PCDHA9: variants seen among roughly 807,000 people sequenced by gnomAD.
PCDHA9 encodes the protein protocadherin alpha 9, also known as protocadherin alpha-9.
A neutral mutation model predicts 62.0 loss-of-function variants in PCDHA9; 62 were observed. The ratio of observed to expected loss-of-function variants is 1.00; its 90% confidence interval spans 0.81 to 1.23. PCDHA9 has a LOEUF of 1.23. PCDHA9 is among the 50% of genes most tolerant of loss of function. The pLI, the probability that PCDHA9 is intolerant of heterozygous loss-of-function variation, is 0.00. For synonymous variants in PCDHA9, 557 were observed against 567.6 expected, an observed-to-expected ratio of 0.98 and a Z score of 0.27; for missense variants, 1,205 against 1,249.8, an observed-to-expected ratio of 0.96 and a Z score of 0.54.
intron 1 of PCDHA9, among the ~76,000 whole-genome samples, chr5:140,941,214 C>CCTTTCTTTCTTCCTTT (rs2092876516): frequency 8.2e-6 from 1 of 122,414 alleles, no homozygotes; most frequent in Non-Finnish European, 1.7e-5. Context: ...TTTCTTTCTT[C>CCTTTCTTTCTTCCTTT]CTTTCTTTCT....
At chr5:140,856,660 T>A in intron 1 of PCDHA9, 1 of 1,597,974 alleles carries the variant, frequency 6.3e-7, no homozygotes, top group South Asian at 1.1e-5. Flanking sequence ...GTGAAGAAAA[T>A]CCTCAGCTAA....
intron 3 of PCDHA9, among the ~76,000 whole-genome samples, chr5:140,987,129 G>A (rs1281954011): frequency 1.3e-5 from 2 of 151,758 alleles, no homozygotes; most frequent in African/African-American, 4.8e-5. Flanking sequence ...CAGGAGAATT[G>A]CTTGAACTCG....
At chr5:140,882,907 A>T (rs11744560) in intron 1 of PCDHA9, 226,049 of 1,614,134 alleles carry the variant, frequency 0.14, 16,618 homozygotes, top group Middle Eastern at 0.18. Context: ...TATTACTGAC[A>T]GCCAGTGATG....
rs2150466906 is a variant in PCDHA9 at position 140,850,096 on chromosome 5, A to C, written c.1601A>C (p.Gln534Pro). 2 of 1,596,118 alleles carry C rather than the reference A, an allele frequency of 1.3e-6. No homozygotes were observed. Among genetic ancestry groups the C allele is most frequent in the African/African-American group, 1.3e-5 (1 of 74,284 alleles). The change falls in exon 1 of 4, where the codon CAG (glutamine) becomes CCG (proline). Residue 534 changes from glutamine to proline, a missense_variant. Physicochemically the swap from Gln to Pro is moderately conservative, Grantham distance 76. Around this residue, in one of 3 missense-constraint regions of PCDHA9, gnomAD observed 887 missense variants for 809.5 expected, o/e 1.10. Coordinates refer to ENST00000532602, the MANE Select transcript of PCDHA9 (RefSeq NM_031857.2). Reference sequence around the variant, plus strand: ...GAGGAGCTGGAGCTGCTACAGTTCCAGGTGAGCGCGCGCGACGCGGGCGTG... The same window carrying C: ...GAGGAGCTGGAGCTGCTACAGTTCCCGGTGAGCGCGCGCGACGCGGGCGTG... ...DHEELELLQF[Q>P]VSARDAGVPP...
At chr5:140,913,243 G>T (rs1386908951) in intron 1 of PCDHA9, among the ~76,000 whole-genome samples, 1 of 152,112 alleles carries the variant, frequency 6.6e-6, no homozygotes, top group Non-Finnish European at 1.5e-5. Flanking sequence ...GAGACTTTTT[G>T]TTACAACTTT....
Position 140,857,729 on chromosome 5 carries a change from G to T in PCDHA9, c.2394+6840G>T, listed in dbSNP as rs782508750. 3 of 1,597,292 alleles carry T rather than the reference G, an allele frequency of 1.9e-6. No homozygotes were observed. In the East Asian group the frequency reaches 6.7e-5, roughly 36 times the overall value. On this transcript the variant is annotated intron_variant, in intron 1 of 3. Coordinates refer to ENST00000532602, the MANE Select transcript of PCDHA9 (RefSeq NM_031857.2). ...GTTCGTGCTGGACGAGAACGACAACGCTCCCGCGCTGCTGGCGTCTCCCGC... is the reference window on the plus strand; with the variant it reads ...GTTCGTGCTGGACGAGAACGACAACTCTCCCGCGCTGCTGGCGTCTCCCGC...
chr5:140,952,081 A>G (rs1554220214), intron 1 of PCDHA9, among the ~76,000 whole-genome samples: 3 of 152,064 alleles, frequency 2.0e-5, no homozygotes. Flanking sequence ...CATTGACTCC[A>G]TGTCTCACAT....
chr5:140,850,912 T>G (rs2150501930), intron 1 of PCDHA9, 23 bp downstream of exon 1: 2 of 1,541,844 alleles, frequency 1.3e-6, no homozygotes, highest in South Asian at 2.5e-5. Context: ...AGCATTTTAT[T>G]TATTTATATA....
At chr5:140,902,125 A>G (rs530625414) in intron 1 of PCDHA9, among the ~76,000 whole-genome samples, 27 of 150,728 alleles carry the variant, frequency 1.8e-4, no homozygotes, top group African/African-American at 6.1e-4. Context: ...CTGAGATTAT[A>G]TCATCTGCAA....
intron 1 of PCDHA9, among the ~76,000 whole-genome samples, chr5:140,880,366 C>A (rs2058318245): frequency 6.6e-6 from 1 of 152,052 alleles, no homozygotes; most frequent in African/African-American, 2.4e-5. Flanking sequence ...AGATGAAAAC[C>A]ATGAGAGAAT....
chr5:140,942,590 A>G (rs868979857), intron 1 of PCDHA9, among the ~76,000 whole-genome samples: 1 of 148,658 alleles, frequency 6.7e-6, no homozygotes, highest in Admixed American at 6.8e-5. Context: ...GATGTCACAT[A>G]TAATTATAGT....
chr5:140,864,342 C>A (rs1374000781), intron 1 of PCDHA9: 2 of 152,062 alleles, frequency 1.3e-5, no homozygotes, highest in African/African-American at 4.8e-5. Context: ...GAGTTTAAAA[C>A]ATGTTTAAAT....
At chr5:140,854,143 C>CA (rs1554147026) in intron 1 of PCDHA9, 3 of 432,586 alleles carry the variant, frequency 6.9e-6, no homozygotes, top group Non-Finnish European at 8.7e-6. Flanking sequence ...GCCCGGGTGA[C>CA]AGCAAGATTC....
chr5:140,870,833 A>G (rs782800341), intron 1 of PCDHA9: 3 of 1,613,654 alleles, frequency 1.9e-6, no homozygotes, highest in Admixed American at 3.3e-5. Context: ...GGCGCAGTTA[A>G]CAAGCTAGTA....
intron 1 of PCDHA9, among the ~76,000 whole-genome samples, chr5:140,973,706 G>A (rs143845626): frequency 4.6e-5 from 7 of 152,274 alleles, no homozygotes; most frequent in South Asian, 4.1e-4. Context: ...TCTGACCCAG[G>A]AGTGAGCCAT....
chr5:140,997,188 G>T (rs948891203), intron 3 of PCDHA9, among the ~76,000 whole-genome samples: 1 of 151,976 alleles, frequency 6.6e-6, no homozygotes, highest in African/African-American at 2.4e-5. Context: ...GACAATTGAT[G>T]AAACTATATT....
intron 3 of PCDHA9, among the ~76,000 whole-genome samples, chr5:141,000,423 T>TC (rs2097932931): frequency 9.0e-5 from 6 of 66,856 alleles, no homozygotes; most frequent in African/African-American, 3.6e-4. Flanking sequence ...ATATATATAT[T>TC]TTTTTTTTTT....
chr5:140,870,132 C>G (rs371110623), intron 1 of PCDHA9: 2 of 1,613,970 alleles, frequency 1.2e-6, no homozygotes, highest in East Asian at 2.2e-5. Flanking sequence ...TGGACACCAA[C>G]GATAACTCTC....
intron 1 of PCDHA9, chr5:140,878,103 GA>G (rs748975221): frequency 2.9e-4 from 75 of 261,846 alleles, no homozygotes; most frequent in African/African-American, 1.3e-3. Context: ...GATGAACCTT[GA>G]AAAAAACAGT....
Sources: gnomAD v4.1 joint callset for allele counts (sites outside exome capture counted in the v4.1 genomes callset) on GRCh38, gnomAD v4.1.1 for gene constraint, gnomAD v4.1.1 regional missense constraint, MANE v1.5 for transcripts, NCBI Gene and HGNC (gene_info 2026-07-23, HGNC 2026-07-21) for gene names.